Variants in GJA1 observed in about 807,000 individuals in gnomAD.
The protein encoded by GJA1 is gap junction alpha-1 protein.
GJA1 carries 9 observed loss-of-function variants against 31.0 expected under a neutral mutation model. That is an observed-to-expected ratio of 0.29 (90% confidence interval 0.17 to 0.51). The LOEUF is 0.51. Among genes scored for constraint, GJA1 ranks in the 20% least tolerant of loss-of-function variants. GJA1 has a pLI of 0.98. For synonymous variants in GJA1, 186 were observed against 180.1 expected (o/e 1.03, Z -0.26); for missense variants, 278 against 468.8 (o/e 0.59, Z 3.76).
intron 1 of GJA1, among the ~76,000 whole-genome samples, chr6:121,440,116 A>G (rs1773743714): frequency 6.6e-6 from 1 of 152,204 alleles, no homozygotes; most frequent in South Asian, 2.1e-4. Context: ...TTCTTCTTGT[A>G]ATAGTGTCCT....
At position 121,447,582 on chromosome 6, in the gene GJA1, C is replaced by T. The variant is rs779133243; in HGVS notation, c.735C>T (p.Asp245=). 2 of 1,613,642 alleles carry T rather than the reference C, an allele frequency of 1.2e-6. No homozygotes were observed. The highest frequency in any genetic ancestry group is 1.1e-5 in the South Asian group (1 of 91,038). ...AGGATCGGGTTAAGGGAAAGAGCGACCCTTACCATGCGACCAGTGGTGCGC... is the reference window on the plus strand; with the variant it reads ...AGGATCGGGTTAAGGGAAAGAGCGATCCTTACCATGCGACCAGTGGTGCGC... ...GVKDRVKGKS[D]PYHATSGALS... Residue 245 remains aspartate (D), a synonymous_variant, in exon 2 of 2, where the codon GAC becomes GAT. Coordinates refer to ENST00000282561, the MANE Select transcript of GJA1 (RefSeq NM_000165.5).
chr6:121,439,117 G>A (rs886787865), intron 1 of GJA1, among the ~76,000 whole-genome samples: 4 of 152,034 alleles, frequency 2.6e-5, no homozygotes, highest in Non-Finnish European at 4.4e-5. Context: ...GAGCAACATA[G>A]CAAGACCCCA....
At chr6:121,443,442 TG>T (rs1375571592) in intron 1 of GJA1, among the ~76,000 whole-genome samples, 1 of 152,142 alleles carries the variant, frequency 6.6e-6, no homozygotes, top group East Asian at 1.9e-4. Context: ...GACAACTGCA[TG>T]GGTGCTTAAA....
chr6:121,446,342 A>G (rs2114282142), intron 1 of GJA1, among the ~76,000 whole-genome samples: 1 of 152,334 alleles, frequency 6.6e-6, no homozygotes, highest in Admixed American at 6.5e-5. Flanking sequence ...ATGATATATA[A>G]TAGCATTAAG....
At chr6:121,436,805 T>G (rs1422856303) in intron 1 of GJA1, among the ~76,000 whole-genome samples, 1 of 152,172 alleles carries the variant, frequency 6.6e-6, no homozygotes, top group East Asian at 1.9e-4. Context: ...AATTCAGAAC[T>G]CTGGGGCAGT....
intron 1 of GJA1, among the ~76,000 whole-genome samples, chr6:121,445,632 TTTTG>T (rs1277729025): frequency 5.3e-5 from 8 of 152,022 alleles, no homozygotes; most frequent in East Asian, 3.9e-4. Flanking sequence ...CTGAAGTAGG[TTTTG>T]TTTGTTTGTT....
chr6:121,446,743 A>G (rs1773896222), intron 1 of GJA1, 89 bp from the exon 2 acceptor site: 1 of 867,792 alleles, frequency 1.2e-6, no homozygotes, highest in African/African-American at 1.6e-5. Flanking sequence ...AACCGTTGGT[A>G]GTATTTTGAC....
chr6:121,445,484 C>T (rs548340959), intron 1 of GJA1, among the ~76,000 whole-genome samples: 121 of 152,194 alleles, frequency 8.0e-4, no homozygotes, highest in African/African-American at 2.4e-3. Flanking sequence ...ATGGAGAAGG[C>T]GTGGACTTTA....
intron 1 of GJA1, among the ~76,000 whole-genome samples, chr6:121,443,836 T>C (rs1773839222): frequency 6.6e-6 from 1 of 152,230 alleles, no homozygotes; most frequent in South Asian, 2.1e-4. Context: ...ATGCAAAGTT[T>C]ATCTTTTTAT....
In GJA1 at chr6:121,447,039, C is replaced by T. The variant is rs1390540506; in HGVS notation, c.192C>T (p.Val64=). ...CNTQQPGCEN[V]CYDKSFPISH... ...CTCAGCAACCTGGTTGTGAAAATGT[C>T]TGCTATGACAAGTCTTTCCCAATCT... Residue 64 remains valine, a synonymous_variant, in exon 2 of 2, where the codon GTC becomes GTT. Transcript: ENST00000282561. The T allele has an allele frequency of 1.9e-6, 3 of 1,613,626 alleles. No individual in the cohort carries two copies. The Admixed American group carries it at 5.0e-5, about 27-fold the overall frequency.
intron 1 of GJA1, among the ~76,000 whole-genome samples, chr6:121,445,917 A>T (rs912747194): frequency 2.6e-5 from 4 of 152,154 alleles, no homozygotes; most frequent in African/African-American, 7.2e-5. Flanking sequence ...AACATAGTGA[A>T]ATCCTATCTC....
chr6:121,440,436 T>G (rs1321153336), intron 1 of GJA1, among the ~76,000 whole-genome samples: 1 of 152,152 alleles, frequency 6.6e-6, no homozygotes, highest in Non-Finnish European at 1.5e-5. Flanking sequence ...AATTTAGCTC[T>G]TTTGCCTGCT....
intron 1 of GJA1, among the ~76,000 whole-genome samples, chr6:121,438,016 T>C (rs184630736): frequency 2.0e-5 from 3 of 151,860 alleles, no homozygotes; most frequent in African/African-American, 7.2e-5. Flanking sequence ...AGGAATGAAA[T>C]AAGCCAGTTA....
At chr6:121,446,416 T>G (rs1314833504) in intron 1 of GJA1, among the ~76,000 whole-genome samples, 1 of 152,254 alleles carries the variant, frequency 6.6e-6, no homozygotes, top group East Asian at 1.9e-4. Context: ...TTGATACCTA[T>G]GCTTTGAATA....
In GJA1 at chr6:121,447,731, ATTC is replaced by A. The variant is rs976659652; in HGVS notation, c.890_892del (p.Ser297del). The A allele has an allele frequency of 1.1e-5, 18 of 1,614,102 alleles. No individual in the cohort carries two copies. Among genetic ancestry groups the A allele is most frequent in the African/African-American group, 2.7e-5 (2 of 75,030 alleles). On this transcript the variant is annotated inframe_deletion, in exon 2 of 2. Transcript: ENST00000282561. The stretch of plus-strand genomic sequence containing the variant: ...AAGCTGGTTACTGGCGACAGAAACA[ATTC>A]TTCTTGCCGCAATTACAACAAGCAA...
chr6:121,439,367 A>G (rs1214246968), intron 1 of GJA1, among the ~76,000 whole-genome samples: 1 of 152,194 alleles, frequency 6.6e-6, no homozygotes, highest in Non-Finnish European at 1.5e-5. Flanking sequence ...GAGGGCCCTA[A>G]GGGTGTCTTT....
chr6:121,445,587 A>T (rs1773873949), intron 1 of GJA1, among the ~76,000 whole-genome samples: 1 of 150,332 alleles, frequency 6.7e-6, no homozygotes, highest in Non-Finnish European at 1.5e-5. Context: ...ACAATGAAAG[A>T]TGAAAACCAA....
rs113758463 is a variant in GJA1, at chr6:121,448,368, T to A, written c.*372T>A. The A allele has an allele frequency of 2.7e-5, 7 of 264,030 alleles. No individual in the cohort carries two copies. Among genetic ancestry groups the A allele is most frequent in the Non-Finnish European group, 4.7e-5 (6 of 126,872 alleles). 16.4% of individuals were successfully genotyped at this position (264,030 alleles called of 1,614,324 possible). A position where few individuals can be genotyped will look rare whatever the true frequency, so the allele number is the denominator to read the frequency against. On this transcript the variant is annotated 3_prime_UTR_variant, in exon 2 of 2. Coordinates refer to ENST00000282561, the MANE Select transcript of GJA1 (RefSeq NM_000165.5). ...GTAATTGTGGCTAAATATTTTTGTTTTACCAAGAAACTGAAATAATTCTGG... is the reference window on the plus strand; with the variant it reads ...GTAATTGTGGCTAAATATTTTTGTTATACCAAGAAACTGAAATAATTCTGG...
chr6:121,437,365 TC>T (rs66582744), intron 1 of GJA1, among the ~76,000 whole-genome samples: 25,010 of 131,682 alleles, frequency 0.19, 2,422 homozygotes, highest in Non-Finnish European at 0.23. Flanking sequence ...TTTTTTTTTT[TC>T]TTTTTCTTTT....
Sources: gnomAD v4.1 joint callset for allele counts (sites outside exome capture counted in the v4.1 genomes callset) on GRCh38, gnomAD v4.1.1 for gene constraint, MANE v1.5 for transcripts, NCBI Gene and HGNC (gene_info 2026-07-23, HGNC 2026-07-21) for gene names.